Variants in B4GALT5 observed in about 807,000 individuals in gnomAD.
The protein encoded by B4GALT5 is beta-1,4-galactosyltransferase 5.
Under a neutral mutation model 45.0 loss-of-function variants are expected in B4GALT5, and 11 were observed. That is an observed-to-expected ratio of 0.24 (90% CI 0.15 to 0.40). B4GALT5 has a LOEUF of 0.40. Among genes scored for constraint, B4GALT5 ranks in the 10% least tolerant of loss-of-function variants. The pLI, the probability that B4GALT5 is intolerant of heterozygous loss-of-function variation, is 1.00. For synonymous variants in B4GALT5, 185 were observed against 182.9 expected (o/e 1.01, Z -0.09); for missense variants, 337 against 500.2 (o/e 0.67, Z 3.11).
intron 3 of B4GALT5, among the ~76,000 whole-genome samples, chr20:49,643,853 A>C (rs1040643571): frequency 4.3e-4 from 65 of 151,256 alleles, no homozygotes; most frequent in Non-Finnish European, 1.9e-4. Flanking sequence ...CAAGGAATTA[A>C]GACTTTAGAG....
At chr20:49,686,036 G>A (rs977960870) in intron 1 of B4GALT5, among the ~76,000 whole-genome samples, 2 of 152,188 alleles carry the variant, frequency 1.3e-5, no homozygotes, top group African/African-American at 4.8e-5. Context: ...GATGGGAAGG[G>A]AGTACTATAA....
chr20:49,650,467 A>G (rs2085617330), intron 2 of B4GALT5, among the ~76,000 whole-genome samples: 1 of 151,270 alleles, frequency 6.6e-6, no homozygotes, highest in Non-Finnish European at 1.5e-5. Flanking sequence ...AAAAAAAAAA[A>G]AAAAAAAAAA....
At chr20:49,709,714 A>T (rs546720468) in intron 1 of B4GALT5, among the ~76,000 whole-genome samples, 5 of 152,006 alleles carry the variant, frequency 3.3e-5, no homozygotes, top group African/African-American at 1.2e-4. Context: ...GGTTGCAGTG[A>T]GCTGAGATCA....
chr20:49,666,752 G>A (rs1368705524), intron 1 of B4GALT5, among the ~76,000 whole-genome samples: 1 of 152,250 alleles, frequency 6.6e-6, no homozygotes, highest in South Asian at 2.1e-4. Flanking sequence ...CCATGCTAGA[G>A]TATCTGCAAA....
intron 2 of B4GALT5, among the ~76,000 whole-genome samples, chr20:49,651,584 G>A (rs1174223972): frequency 1.4e-4 from 21 of 150,606 alleles, no homozygotes; most frequent in South Asian, 1.3e-3. Flanking sequence ...GCGAGACTCC[G>A]TCTCAAAAAA....
intron 8 of B4GALT5, 98 bp downstream of exon 8, chr20:49,637,243 G>C (rs2085557998): frequency 6.7e-6 from 7 of 1,047,442 alleles, no homozygotes; most frequent in Middle Eastern, 2.1e-4. Context: ...CAGGGCCTCG[G>C]GGTGGGGAGT....
chr20:49,637,275 C>T, intron 8 of B4GALT5, 66 bp downstream of exon 8: 2 of 1,424,998 alleles, frequency 1.4e-6, no homozygotes, highest in East Asian at 2.3e-5. Context: ...CTGTAATATG[C>T]TCTAAGATAT....
At position 49,633,243 on chromosome 20, in the gene B4GALT5, AG is replaced by A. The variant is rs1984419781; in HGVS notation, c.*3068del. On this transcript the variant is annotated 3_prime_UTR_variant, in exon 9 of 9. Coordinates refer to ENST00000371711, the MANE Select transcript of B4GALT5 (RefSeq NM_004776.4). ...GCTCAGCTATTAATGTCTGTGGTAG[AG>A]GATCTCTGACAAGAGGACCTATTAT... The A allele has an allele frequency of 6.5e-6, 1 of 152,832 alleles. No homozygotes were observed. Among genetic ancestry groups the A allele is most frequent in the Admixed American group, 6.5e-5 (1 of 15,286 alleles). The allele number at this position is 152,832 out of a possible 1,614,324, so 9.5% of individuals were successfully genotyped here.
chr20:49,696,080 C>T (rs1162003930), intron 1 of B4GALT5, among the ~76,000 whole-genome samples: 6 of 152,212 alleles, frequency 3.9e-5, no homozygotes, highest in African/African-American at 1.4e-4. Context: ...TGGAAATAAT[C>T]GCAGTAAATG....
intron 1 of B4GALT5, among the ~76,000 whole-genome samples, chr20:49,679,080 T>C (rs1401528417): frequency 6.6e-6 from 1 of 152,216 alleles, no homozygotes; most frequent in African/African-American, 2.4e-5. Flanking sequence ...ATGGATACTA[T>C]GATCTTCCTT....
intron 2 of B4GALT5, among the ~76,000 whole-genome samples, chr20:49,648,890 G>A (rs2085609950): frequency 6.6e-6 from 1 of 152,160 alleles, no homozygotes; most frequent in African/African-American, 2.4e-5. Context: ...GATCCTTCCA[G>A]TATACTGTAT....
chr20:49,646,503 A>T (rs1199052042), intron 3 of B4GALT5, among the ~76,000 whole-genome samples: 1 of 152,212 alleles, frequency 6.6e-6, no homozygotes, highest in Non-Finnish European at 1.5e-5. Flanking sequence ...ACTGTATAGT[A>T]CCATGCTGCA....
intron 1 of B4GALT5, among the ~76,000 whole-genome samples, chr20:49,687,135 T>A (rs1429280676): frequency 2.6e-5 from 4 of 152,102 alleles, no homozygotes; most frequent in Non-Finnish European, 5.9e-5. Flanking sequence ...GCTACTGGCA[T>A]CTCTTGGGTA....
At chr20:49,638,079 G>C (rs764974837) in intron 7 of B4GALT5, among the ~76,000 whole-genome samples, 6 of 151,836 alleles carry the variant, frequency 4.0e-5, no homozygotes, top group Non-Finnish European at 7.4e-5. Context: ...AGTACAGTGA[G>C]GTGATCATGG....
At chr20:49,703,304 T>C (rs2085870541) in intron 1 of B4GALT5, among the ~76,000 whole-genome samples, 1 of 150,828 alleles carries the variant, frequency 6.6e-6, no homozygotes, top group African/African-American at 2.4e-5. Context: ...AGAAGAAAAA[T>C]GTACAAAGTA....
intron 1 of B4GALT5, among the ~76,000 whole-genome samples, chr20:49,663,440 T>G (rs1306680556): frequency 4.5e-5 from 5 of 110,218 alleles, no homozygotes; most frequent in African/African-American, 1.5e-4. Flanking sequence ...TCACATATTT[T>G]TACAAAAAAA....
intron 1 of B4GALT5, among the ~76,000 whole-genome samples, chr20:49,677,275 T>C (rs888085243): frequency 4.0e-5 from 6 of 151,898 alleles, no homozygotes; most frequent in East Asian, 1.9e-4. Context: ...CCTAAGATAA[T>C]AGCACAGAAA....
intron 1 of B4GALT5, among the ~76,000 whole-genome samples, chr20:49,701,363 T>C (rs2085861066): frequency 6.6e-6 from 1 of 152,192 alleles, no homozygotes; most frequent in African/African-American, 2.4e-5. Flanking sequence ...TGTATCAAAT[T>C]GTCAAATTTT....
rs1205818633 is a variant in B4GALT5, at chr20:49,633,653, T to C, written c.*2659A>G. On this transcript the variant is annotated 3_prime_UTR_variant, in exon 9 of 9. Transcript: ENST00000371711. ...AGCAGTGAAAAAAGACCTTTCCTTT[T>C]GTTCTCAAATCAGCATTTTCTAAAG... 6.6e-6 allele frequency: 1 copy of C among 152,166 alleles called. No homozygotes were observed. The highest frequency in any genetic ancestry group is 1.9e-4 in the East Asian group (1 of 5,206). The allele number at this position is 152,166 out of a possible 1,614,324, so 9.4% of individuals were successfully genotyped here.
Sources: allele counts gnomAD v4.1 joint callset (sites outside exome capture counted in the v4.1 genomes callset), GRCh38; gene constraint gnomAD v4.1.1; transcripts MANE v1.5; gene names NCBI Gene and HGNC (gene_info 2026-07-23, HGNC 2026-07-21).